NAV2: variants seen among roughly 807,000 people sequenced by gnomAD.
The protein encoded by NAV2 is helicase, APC down-regulated 1.
Under a neutral mutation model 223.2 loss-of-function variants are expected in NAV2, and 54 were observed. The ratio of observed to expected loss-of-function variants is 0.24; its 90% CI spans 0.19 to 0.30. The LOEUF is 0.30. Among genes scored for constraint, NAV2 ranks in the 10% least tolerant of loss-of-function variants. The probability of loss-of-function intolerance (pLI) is 1.00; values close to 1 mark genes in which losing one functional copy is unlikely to be tolerated. For missense variants in NAV2, 2,806 were observed against 3,147.5 expected, an observed-to-expected ratio of 0.89 and a Z score of 2.60; for synonymous variants, 1,279 against 1,239.3, an observed-to-expected ratio of 1.03 and a Z score of -0.67.
chr11:19,811,125 G>A (rs771639364), intron 1 of NAV2, among the ~76,000 whole-genome samples: 12 of 152,200 alleles, frequency 7.9e-5, no homozygotes, highest in Non-Finnish European at 1.6e-4. Flanking sequence ...CATGCTAAAC[G>A]GCTGTCTAGT....
chr11:19,365,646 C>T (rs570316593), intron 1 of NAV2, among the ~76,000 whole-genome samples: 11 of 152,258 alleles, frequency 7.2e-5, no homozygotes, highest in Non-Finnish European at 1.0e-4. Context: ...CTCTAAGATG[C>T]TAGAGGGTGG....
intron 1 of NAV2, among the ~76,000 whole-genome samples, chr11:19,718,109 T>C (rs1285668977): frequency 8.9e-6 from 1 of 112,220 alleles, no homozygotes; most frequent in East Asian, 3.2e-4. Flanking sequence ...ACACCTCCCC[T>C]GAATTACCTT....
intron 6 of NAV2, among the ~76,000 whole-genome samples, chr11:19,894,442 T>C (rs768906056): frequency 4.0e-5 from 6 of 151,874 alleles, no homozygotes; most frequent in Non-Finnish European, 8.8e-5. Context: ...CATAAAAGAG[T>C]CTGAAAGATG....
chr11:19,552,470 G>C (rs1049356515), intron 1 of NAV2, among the ~76,000 whole-genome samples: 1 of 152,066 alleles, frequency 6.6e-6, no homozygotes, highest in African/African-American at 2.4e-5. Flanking sequence ...CTGTGGCCAC[G>C]GGCACAGGAG....
rs1591336797 is a variant in NAV2 at position 19,939,738 on chromosome 11, C to T, written c.2111C>T (p.Thr704Ile). 3 of 1,614,096 alleles carry T rather than the reference C, an allele frequency of 1.9e-6. No individual in the cohort carries two copies. The highest frequency in any genetic ancestry group is 4.5e-5 in the East Asian group (2 of 44,878). Residue 704 changes from threonine to isoleucine, a missense_variant, in exon 8 of 38, where the codon ACC becomes ATC. This residue lies in a region of NAV2 where 1,167 missense variants were observed against 1,180.5 expected (regional missense o/e 0.99). Transcript: ENST00000349880. ...TGVSVEPSHF[T>I]KTGQPALEEL... is the part of the protein sequence containing the mutation. ...GTGAGCGTGGAGCCCAGCCACTTCACCAAGACTGGACAGCCTGCTCTGGAA... is the reference window on the plus strand; with the variant it reads ...GTGAGCGTGGAGCCCAGCCACTTCATCAAGACTGGACAGCCTGCTCTGGAA...
chr11:19,432,092 G>T (rs191980813), intron 1 of NAV2, among the ~76,000 whole-genome samples: 1 of 152,176 alleles, frequency 6.6e-6, no homozygotes, highest in East Asian at 1.9e-4. Flanking sequence ...CAGCTACTTG[G>T]GAAGCTGAGG....
intron 10 of NAV2, among the ~76,000 whole-genome samples, chr11:19,969,013 C>T (rs1404493851): frequency 2.0e-5 from 3 of 152,188 alleles, no homozygotes; most frequent in Non-Finnish European, 4.4e-5. Context: ...TCAAGAGCTC[C>T]AGCAGCTGCC....
chr11:19,628,789 T>C (rs1321279043), intron 1 of NAV2, among the ~76,000 whole-genome samples: 1 of 152,160 alleles, frequency 6.6e-6, no homozygotes, highest in Non-Finnish European at 1.5e-5. Context: ...AAGAACCAGG[T>C]ACACCAAGGT....
chr11:19,579,524 A>G (rs887815010), intron 1 of NAV2, among the ~76,000 whole-genome samples: 1 of 152,180 alleles, frequency 6.6e-6, no homozygotes, highest in Non-Finnish European at 1.5e-5. Context: ...CTAAGTTCAA[A>G]TCTTGACCCT....
chr11:19,498,519 A>C (rs560723111), intron 1 of NAV2, among the ~76,000 whole-genome samples: 1 of 152,346 alleles, frequency 6.6e-6, no homozygotes, highest in Admixed American at 6.5e-5. Context: ...GAAGGTATTC[A>C]AGAAATGTTT....
chr11:19,971,178 G>GT (rs924979079), intron 10 of NAV2, among the ~76,000 whole-genome samples: 334 of 152,238 alleles, frequency 2.2e-3, no homozygotes, highest in African/African-American at 7.8e-3. Flanking sequence ...CCACAGGCAC[G>GT]TTTTTGAGTA....
At chr11:19,408,413 G>A (rs1170320938) in intron 1 of NAV2, among the ~76,000 whole-genome samples, 1 of 152,190 alleles carries the variant, frequency 6.6e-6, no homozygotes, top group African/African-American at 2.4e-5. Context: ...AGTCACTCCA[G>A]ATAATTTTTG....
chr11:19,786,403 C>A (rs1259765581), intron 1 of NAV2, among the ~76,000 whole-genome samples: 2 of 152,230 alleles, frequency 1.3e-5, no homozygotes, highest in Non-Finnish European at 2.9e-5. Context: ...CAGCTCCTGG[C>A]ATACACTAAG....
At chr11:19,546,156 C>A (rs1014175493) in intron 1 of NAV2, among the ~76,000 whole-genome samples, 2 of 152,244 alleles carry the variant, frequency 1.3e-5, no homozygotes, top group East Asian at 1.9e-4. Context: ...GCATAGGAGA[C>A]AAGTATGTAG....
chr11:19,347,015 G>C (rs1258537425), upstream of NAV2, among the ~76,000 whole-genome samples: 1 of 152,134 alleles, frequency 6.6e-6, no homozygotes, highest in East Asian at 1.9e-4. Flanking sequence ...GATGAAACAG[G>C]TCAGGCCCCC....
chr11:19,437,060 C>T (rs1029209434), intron 1 of NAV2, among the ~76,000 whole-genome samples: 10 of 152,028 alleles, frequency 6.6e-5, no homozygotes, highest in African/African-American at 2.2e-4. Flanking sequence ...ATTTGGATGC[C>T]TTTTCTTTCT....
At chr11:19,691,124 C>T (rs969676855) in intron 1 of NAV2, among the ~76,000 whole-genome samples, 1 of 152,174 alleles carries the variant, frequency 6.6e-6, no homozygotes, top group African/African-American at 2.4e-5. Flanking sequence ...TCTTGACAAA[C>T]TCCCAGGTGC....
intron 11 of NAV2, among the ~76,000 whole-genome samples, chr11:19,990,321 C>T (rs745992421): frequency 1.3e-5 from 2 of 152,108 alleles, no homozygotes; most frequent in Non-Finnish European, 2.9e-5. Context: ...GTGATGCTTC[C>T]CTTTAGTGAG....
chr11:20,017,338 C>T (rs1180775025), intron 11 of NAV2, among the ~76,000 whole-genome samples: 4 of 152,176 alleles, frequency 2.6e-5, no homozygotes, highest in Admixed American at 6.6e-5. Context: ...GCACTTGATG[C>T]GTCCCCCTTC....
Sources: gnomAD v4.1 joint callset for allele counts (sites outside exome capture counted in the v4.1 genomes callset) on GRCh38, gnomAD v4.1.1 for gene constraint, gnomAD v4.1.1 regional missense constraint, MANE v1.5 for transcripts, NCBI Gene and HGNC (gene_info 2026-07-23, HGNC 2026-07-21) for gene names.